Variants in OXR1 observed in about 807,000 individuals in gnomAD.
The protein encoded by OXR1 is oxidation resistance protein 1.
In OXR1, 41 loss-of-function variants were observed where a neutral mutation model predicts 104.6. That is an observed-to-expected ratio of 0.39 (90% CI 0.31 to 0.51). OXR1 has a LOEUF of 0.51. Among genes scored for constraint, OXR1 ranks in the 20% least tolerant of loss-of-function variants. The pLI, the probability that OXR1 is intolerant of heterozygous loss-of-function variation, is 0.77. For synonymous variants in OXR1, 348 were observed against 348.4 expected, an observed-to-expected ratio of 1.00 and a Z score of 0.01; for missense variants, 955 against 1,031.9, an observed-to-expected ratio of 0.93 and a Z score of 1.02.
chr8:106,327,882 G>A (rs971381669), intron 1 of OXR1, among the ~76,000 whole-genome samples: 1 of 152,160 alleles, frequency 6.6e-6, no homozygotes, highest in Admixed American at 6.5e-5. Flanking sequence ...TCAAAGAAAA[G>A]AACATAATTT....
In OXR1 at chr8:106,740,389, T is replaced by C. The variant is rs367716578; in HGVS notation, c.2210T>C (p.Leu737Pro). The change falls in exon 14 of 17, where the codon CTT (leucine) becomes CCT (proline). Residue 737 changes from leucine to proline, a missense_variant. Transcript: ENST00000517566. ...AGAACAATTGGCTATCCATGGACTC[T>C]TGTTTATGGTACTGGAAAACATGGC... is the stretch of plus-strand genomic sequence containing the variant. ...PPRTIGYPWT[L>P]VYGTGKHGTS... 5.6e-6 allele frequency: 9 copies of C among 1,613,066 alleles called. No homozygotes were observed. Among genetic ancestry groups the C allele is most frequent in the African/African-American group, 1.3e-5 (1 of 74,856 alleles).
intron 16 of OXR1, 59 bp from the exon 17 acceptor site, chr8:106,750,747 T>G: frequency 8.0e-7 from 1 of 1,244,682 alleles, no homozygotes; most frequent in Non-Finnish European, 1.1e-6. Flanking sequence ...AAAGTCTCAT[T>G]TAAATTGTTT....
chr8:106,469,918 A>G (rs568840464), intron 2 of OXR1, among the ~76,000 whole-genome samples: 237 of 151,928 alleles, frequency 1.6e-3, no homozygotes, highest in African/African-American at 5.3e-3. Flanking sequence ...AAACAAAGGC[A>G]TGAATGAAAG....
chr8:106,691,991 AC>A (rs1292158632), intron 6 of OXR1, among the ~76,000 whole-genome samples: 1 of 149,556 alleles, frequency 6.7e-6, no homozygotes, highest in Non-Finnish European at 1.5e-5. Context: ...ATATATACAC[AC>A]ACACACACAC....
At position 106,703,090 on chromosome 8, in the gene OXR1, T is replaced by C; in HGVS notation, c.860T>C (p.Ile287Thr). ...LDSKIKESLP[I>T]DIDQLSGRDF... The stretch of plus-strand genomic sequence containing the variant: ...AGCAAAATAAAGGAATCTTTACCCA[T>C]GTAAGAGTGATATTTATATTCCTTT... Residue 287 changes from isoleucine to threonine, a missense_variant and splice_region_variant, in exon 8 of 17, where the codon ATA becomes ACA. Physicochemically the swap from Ile to Thr is moderately conservative, Grantham distance 89. Transcript: ENST00000517566. 1 of 1,598,272 alleles carries C rather than the reference T, an allele frequency of 6.3e-7. No homozygotes were observed. Among genetic ancestry groups the C allele is most frequent in the Non-Finnish European group, 8.6e-7 (1 of 1,166,636 alleles).
intron 3 of OXR1, among the ~76,000 whole-genome samples, chr8:106,529,101 C>A (rs189186436): frequency 6.6e-6 from 1 of 152,208 alleles, no homozygotes; most frequent in East Asian, 1.9e-4. Flanking sequence ...CATTTCACAG[C>A]TTTTGAAGAG....
chr8:106,384,508 A>G (rs748080903), intron 2 of OXR1, among the ~76,000 whole-genome samples: 39 of 152,216 alleles, frequency 2.6e-4, no homozygotes, highest in Non-Finnish European at 4.4e-4. Context: ...ATCGAGTATA[A>G]GGATACAGAA....
At chr8:106,435,469 C>A (rs2844278) in intron 2 of OXR1, among the ~76,000 whole-genome samples, 92,126 of 152,000 alleles carry the variant, frequency 0.61, 30,803 homozygotes, top group African/African-American at 0.9. Flanking sequence ...ATGAAAGGCA[C>A]GTGCCTGTTC....
chr8:106,648,739 G>C (rs1442633145), intron 3 of OXR1, among the ~76,000 whole-genome samples: 1 of 151,978 alleles, frequency 6.6e-6, no homozygotes, highest in Admixed American at 6.6e-5. Context: ...ATTTTTTTTG[G>C]AAGTAAATGT....
intron 2 of OXR1, among the ~76,000 whole-genome samples, chr8:106,421,225 G>A (rs1818892422): frequency 6.6e-6 from 1 of 152,078 alleles, no homozygotes; most frequent in African/African-American, 2.4e-5. Context: ...TAGAACACTA[G>A]TAAAGAATGC....
At chr8:106,673,282 T>G (rs1000008391) in intron 3 of OXR1, among the ~76,000 whole-genome samples, 1 of 152,206 alleles carries the variant, frequency 6.6e-6, no homozygotes, top group Non-Finnish European at 1.5e-5. Flanking sequence ...CTTGCTATGC[T>G]TTACAAAGAG....
At chr8:106,303,721 T>A (rs1211052844) in intron 1 of OXR1, among the ~76,000 whole-genome samples, 1 of 152,208 alleles carries the variant, frequency 6.6e-6, no homozygotes, top group Non-Finnish European at 1.5e-5. Flanking sequence ...ATAAACTTGT[T>A]TTAATTAAAA....
At chr8:106,681,337 A>G (rs529239615) in intron 4 of OXR1, among the ~76,000 whole-genome samples, 1 of 151,276 alleles carries the variant, frequency 6.6e-6, no homozygotes, top group African/African-American at 2.4e-5. Flanking sequence ...TTTGCATAGA[A>G]GGATGTAGGC....
intron 2 of OXR1, among the ~76,000 whole-genome samples, chr8:106,458,697 G>C (rs1272754431): frequency 6.6e-6 from 1 of 152,068 alleles, no homozygotes; most frequent in Non-Finnish European, 1.5e-5. Flanking sequence ...AGTCCCACAG[G>C]GGTGGGACTG....
intron 2 of OXR1, among the ~76,000 whole-genome samples, chr8:106,501,153 A>T (rs1811781972): frequency 6.6e-6 from 1 of 152,132 alleles, no homozygotes; most frequent in Non-Finnish European, 1.5e-5. Context: ...TTTTTAAGGG[A>T]CAGAGTCTCC....
At chr8:106,494,293 C>T (rs1811283100) in intron 2 of OXR1, among the ~76,000 whole-genome samples, 2 of 152,092 alleles carry the variant, frequency 1.3e-5, no homozygotes, top group African/African-American at 4.8e-5. Context: ...GATTTTAGCT[C>T]TTTTTGTTTC....
chr8:106,662,538 T>C (rs1586997120), intron 3 of OXR1, among the ~76,000 whole-genome samples: 1 of 152,178 alleles, frequency 6.6e-6, no homozygotes, highest in Non-Finnish European at 1.5e-5. Flanking sequence ...ATAATAATTA[T>C]AATAGACAAA....
intron 12 of OXR1, among the ~76,000 whole-genome samples, chr8:106,739,245 G>A (rs1239386323): frequency 6.6e-6 from 1 of 152,122 alleles, no homozygotes; most frequent in Non-Finnish European, 1.5e-5. Flanking sequence ...TAGTGGATGA[G>A]AAAACGTCTG....
chr8:106,410,024 T>A (rs4734916), intron 2 of OXR1, among the ~76,000 whole-genome samples: 38,816 of 151,784 alleles, frequency 0.26, 5,077 homozygotes, highest in South Asian at 0.38. Flanking sequence ...ACATAAGAAC[T>A]TTTTTAAAGA....
Sources: gnomAD v4.1 joint callset for allele counts (sites outside exome capture counted in the v4.1 genomes callset) on GRCh38, gnomAD v4.1.1 for gene constraint, MANE v1.5 for transcripts, NCBI Gene and HGNC (gene_info 2026-07-23, HGNC 2026-07-21) for gene names.